NRP1: variants seen among roughly 807,000 people sequenced by gnomAD.
NRP1 encodes the protein neuropilin-1.
NRP1 carries 35 observed loss-of-function variants against 106.7 expected under a neutral mutation model. The observed-to-expected ratio is 0.33, with a 90% CI of 0.25 to 0.43. The LOEUF is 0.43. NRP1 is among the 20% of genes least tolerant of loss of function. The pLI is 1.00. For synonymous variants in NRP1, 437 were observed against 417.9 expected (o/e 1.05, Z -0.56); for missense variants, 1,024 against 1,170.4 (o/e 0.87, Z 1.83).
chr10:33,308,641 T>TA (rs1846343902), intron 2 of NRP1, among the ~76,000 whole-genome samples: 2 of 151,854 alleles, frequency 1.3e-5, no homozygotes, highest in Admixed American at 1.3e-4. Context: ...CATGCATCAC[T>TA]ATGTCCAGCT....
intron 6 of NRP1, among the ~76,000 whole-genome samples, chr10:33,232,532 G>T (rs886946461): frequency 2.6e-5 from 4 of 151,562 alleles, no homozygotes; most frequent in Non-Finnish European, 5.9e-5. Context: ...CCCTCTGTGT[G>T]TGTGACAAAC....
intron 10 of NRP1, among the ~76,000 whole-genome samples, chr10:33,204,243 C>T (rs1356143933): frequency 6.6e-6 from 1 of 152,028 alleles, no homozygotes; most frequent in Non-Finnish European, 1.5e-5. Context: ...AAAAATTTGA[C>T]ACTGAATGGT....
rs1169688666 is a variant in NRP1 at position 33,186,253 on chromosome 10, C to T, written c.2298G>A (p.Gly766=). Residue 766 remains glycine, a synonymous_variant, in exon 14 of 17, where the codon GGG becomes GGA. Coordinates refer to ENST00000374867, the MANE Select transcript of NRP1 (RefSeq NM_003873.7). Reference sequence around the variant, plus strand: ...TCAGAGACTTGTGGAGCAAGACACGCCCTTCCTTCCAGTGGTCACCTTGGT... The same window carrying T: ...TCAGAGACTTGTGGAGCAAGACACGTCCTTCCTTCCAGTGGTCACCTTGGT... ...IGHQGDHWKE[G]RVLLHKSLKL... is the part of the protein sequence containing the mutation. 7 of 1,612,648 alleles carry T rather than the reference C, an allele frequency of 4.3e-6. No homozygotes were observed. The Admixed American group carries it at 1.2e-4, about 27-fold the overall frequency.
intron 7 of NRP1, among the ~76,000 whole-genome samples, chr10:33,222,179 C>T (rs1839298429): frequency 6.6e-6 from 1 of 152,150 alleles, no homozygotes; most frequent in Non-Finnish European, 1.5e-5. Context: ...TACCAGAGGA[C>T]CAAAATAATA....
At chr10:33,258,683 C>CTTCT (rs1842366482) in intron 4 of NRP1, among the ~76,000 whole-genome samples, 1 of 152,230 alleles carries the variant, frequency 6.6e-6, no homozygotes, top group Non-Finnish European at 1.5e-5. Flanking sequence ...GATTCTTCTA[C>CTTCT]AGGTAGTGGT....
At chr10:33,305,478 A>T (rs1211590669) in intron 2 of NRP1, among the ~76,000 whole-genome samples, 1 of 152,128 alleles carries the variant, frequency 6.6e-6, no homozygotes, top group African/African-American at 2.4e-5. Flanking sequence ...AAAAGTAAGA[A>T]GTAGGGAAAG....
At chr10:33,274,926 C>G (rs961767082) in intron 2 of NRP1, among the ~76,000 whole-genome samples, 4 of 152,166 alleles carry the variant, frequency 2.6e-5, no homozygotes, top group African/African-American at 9.7e-5. Flanking sequence ...TTTGCACGAG[C>G]ATTAATAGCT....
chr10:33,271,993 G>A (rs1402834455), intron 2 of NRP1, among the ~76,000 whole-genome samples: 1 of 152,118 alleles, frequency 6.6e-6, no homozygotes, highest in Admixed American at 6.5e-5. Flanking sequence ...AAAGTCCTGG[G>A]ATATATTAAT....
At chr10:33,315,995 C>A (rs1328253651) in intron 2 of NRP1, among the ~76,000 whole-genome samples, 2 of 152,226 alleles carry the variant, frequency 1.3e-5, no homozygotes. Context: ...AAGGCCTTAT[C>A]TGCCCTTATC....
chr10:33,226,260 C>G lies in NRP1; in HGVS notation c.1011G>C (p.Thr337=), dbSNP rs145116269. 11 of 1,614,096 alleles carry G rather than the reference C, an allele frequency of 6.8e-6. No individual in the cohort carries two copies. In the East Asian group the frequency reaches 2.2e-4, roughly 33 times the overall value. Residue 337 remains threonine (T), a synonymous_variant, in exon 7 of 17, where the codon ACG becomes ACC. Transcript: ENST00000374867. ...QVDLGLLRFV[T]AVGTQGAISK... ...AAATGGCGCCCTGTGTCCCGACAGCCGTGACAAAGCGCAGAAGGCCCAAGT... is the reference window on the plus strand; with the variant it reads ...AAATGGCGCCCTGTGTCCCGACAGCGGTGACAAAGCGCAGAAGGCCCAAGT...
At chr10:33,281,141 C>T (rs1402444454) in intron 2 of NRP1, among the ~76,000 whole-genome samples, 4 of 151,720 alleles carry the variant, frequency 2.6e-5, no homozygotes, top group African/African-American at 9.7e-5. Flanking sequence ...CCTCTGCCTA[C>T]AAGGTTCAAG....
intron 15 of NRP1, 80 bp from the exon 16 acceptor site, chr10:33,182,828 TACATGC>T: frequency 2.4e-6 from 2 of 835,334 alleles, no homozygotes; most frequent in Non-Finnish European, 3.9e-6. Flanking sequence ...AACCTTTAGG[TACATGC>T]ACACACACAC....
At chr10:33,216,856 C>T (rs1838821608) in intron 8 of NRP1, among the ~76,000 whole-genome samples, 2 of 152,120 alleles carry the variant, frequency 1.3e-5, no homozygotes, top group Admixed American at 1.3e-4. Flanking sequence ...TATGACTCTT[C>T]ATGCCCTGTT....
intron 11 of NRP1, 158 bp downstream of exon 11, chr10:33,202,733 A>G: frequency 6.4e-7 from 1 of 1,556,880 alleles, no homozygotes; most frequent in South Asian, 1.2e-5. Context: ...TCCAGATGAC[A>G]TGAGGAAATG....
At chr10:33,237,516 C>CACACAA (rs1358298235) in intron 6 of NRP1, among the ~76,000 whole-genome samples, 6 of 148,492 alleles carry the variant, frequency 4.0e-5, no homozygotes, top group African/African-American at 1.5e-4. Flanking sequence ...CACACACACA[C>CACACAA]AAATCCCACC....
chr10:33,227,596 C>T (rs757936646), intron 6 of NRP1, among the ~76,000 whole-genome samples: 12 of 152,298 alleles, frequency 7.9e-5, no homozygotes, highest in Non-Finnish European at 1.6e-4. Context: ...GGCTTGCAAC[C>T]TTCTCCTGGT....
intron 2 of NRP1, among the ~76,000 whole-genome samples, chr10:33,294,320 T>C (rs1009719108): frequency 3.3e-5 from 5 of 152,156 alleles, no homozygotes; most frequent in African/African-American, 9.7e-5. Flanking sequence ...CAATGCTTTA[T>C]CAAAATCTAT....
intron 2 of NRP1, among the ~76,000 whole-genome samples, chr10:33,320,864 G>T (rs1172759145): frequency 6.6e-6 from 1 of 152,202 alleles, no homozygotes; most frequent in Non-Finnish European, 1.5e-5. Flanking sequence ...TTAGAATGAG[G>T]ACTCTACGGA....
intron 10 of NRP1, among the ~76,000 whole-genome samples, chr10:33,204,890 C>G (rs906507103): frequency 2.0e-5 from 3 of 152,084 alleles, no homozygotes; most frequent in African/African-American, 7.2e-5. Context: ...CACCAACACA[C>G]CCAGCTAATT....
Sources: allele counts gnomAD v4.1 joint callset (sites outside exome capture counted in the v4.1 genomes callset), GRCh38; gene constraint gnomAD v4.1.1; transcripts MANE v1.5; gene names NCBI Gene and HGNC (gene_info 2026-07-23, HGNC 2026-07-21).